CPNE5: variants seen among roughly 807,000 people sequenced by gnomAD.
CPNE5 encodes the protein copine-5.
Under a neutral mutation model 81.1 loss-of-function variants are expected in CPNE5, and 42 were observed. The observed-to-expected ratio is 0.52, with a 90% CI of 0.40 to 0.67. CPNE5 has a LOEUF of 0.67. Among genes scored for constraint, CPNE5 ranks in the 30% least tolerant of loss-of-function variants. The pLI is 0.00. For missense variants in CPNE5, 612 were observed against 815.5 expected (o/e 0.75, Z 3.04); for synonymous variants, 313 against 321.5 (o/e 0.97, Z 0.28).
At chr6:36,765,186 C>G (rs557383947) in intron 11 of CPNE5, 149 bp downstream of exon 11, 127 of 728,034 alleles carry the variant, frequency 1.7e-4, no homozygotes, top group Non-Finnish European at 2.6e-4. Context: ...ACCCCTCCCC[C>G]ACCCTCCACA....
intron 12 of CPNE5, among the ~76,000 whole-genome samples, chr6:36,760,440 C>A (rs935677952): frequency 1.3e-5 from 2 of 152,030 alleles, no homozygotes; most frequent in African/African-American, 4.8e-5. Flanking sequence ...GTGATCAGAT[C>A]ACTATTTTGG....
chr6:36,827,582 C>A, intron 1 of CPNE5: 1 of 985,418 alleles, frequency 1.0e-6, no homozygotes, highest in South Asian at 4.7e-5. Flanking sequence ...TCCCCCGCTG[C>A]AAAGGCACAG....
At chr6:36,768,158 T>C (rs1766724190) in intron 10 of CPNE5, among the ~76,000 whole-genome samples, 1 of 147,146 alleles carries the variant, frequency 6.8e-6, no homozygotes, top group South Asian at 2.2e-4. Flanking sequence ...AGAGAAATAG[T>C]GCCCAGAGAC....
chr6:36,815,512 C>G (rs980385337), intron 3 of CPNE5, among the ~76,000 whole-genome samples: 2 of 152,176 alleles, frequency 1.3e-5, no homozygotes, highest in African/African-American at 4.8e-5. Context: ...GAGGACACAG[C>G]AAGATGGAAC....
At chr6:36,792,166 A>C in intron 7 of CPNE5, 70 bp from the exon 8 acceptor site, 1 of 1,458,888 alleles carries the variant, frequency 6.9e-7, no homozygotes, top group Non-Finnish European at 9.6e-7. Context: ...CACTCCCTCA[A>C]TCAGCCCCCT....
chr6:36,818,771 G>A (rs950404317), intron 3 of CPNE5, among the ~76,000 whole-genome samples: 1 of 152,188 alleles, frequency 6.6e-6, no homozygotes, highest in African/African-American at 2.4e-5. Context: ...ACCCTGCGGC[G>A]GGTGTAGTAA....
chr6:36,823,121 G>A, intron 1 of CPNE5, 23 bp from the exon 2 acceptor site: 2 of 1,535,026 alleles, frequency 1.3e-6, no homozygotes, highest in South Asian at 1.3e-5. Context: ...GAGAGAGGAG[G>A]GGTTAGCACG....
intron 14 of CPNE5, 139 bp from the exon 15 acceptor site, chr6:36,748,406 C>A: frequency 1.3e-6 from 1 of 742,110 alleles, no homozygotes. Context: ...TCATCTCTTT[C>A]TAGTTCTGGA....
intron 8 of CPNE5, among the ~76,000 whole-genome samples, chr6:36,784,224 C>G (rs1768313686): frequency 6.6e-6 from 1 of 152,226 alleles, no homozygotes; most frequent in South Asian, 2.1e-4. Flanking sequence ...CTAATACAAT[C>G]TAGACCCAGA....
intron 1 of CPNE5, among the ~76,000 whole-genome samples, chr6:36,823,635 CA>C (rs1372789343): frequency 6.6e-6 from 1 of 152,130 alleles, no homozygotes; most frequent in African/African-American, 2.4e-5. Flanking sequence ...TGGTCAAGAC[CA>C]GGGCTAACAC....
Position 36,766,741 on chromosome 6 carries a change from G to T in CPNE5, c.738-1365C>A, listed in dbSNP as rs1202769948. On this transcript the variant is annotated intron_variant, in intron 10 of 20. Transcript: ENST00000244751. This position sits in a 1 kb window ranked among gnomAD's most constrained non-coding sequence, Gnocchi z 4.2. ...TGAAAGGAGAAGTAATAACGGCCTT[G>T]CAGAACAGCTGCAAGAACAAGCTAG... Among the ~76,000 whole-genome samples, 1 of 152,202 alleles carries T rather than the reference G, an allele frequency of 6.6e-6. No homozygotes were observed.
chr6:36,809,722 G>T (rs1029224545), intron 3 of CPNE5, among the ~76,000 whole-genome samples: 2 of 152,092 alleles, frequency 1.3e-5, no homozygotes, highest in African/African-American at 4.8e-5. Flanking sequence ...GAAGGTGGGA[G>T]GGGGGCTGTT....
chr6:36,813,263 G>A (rs1356274731), intron 3 of CPNE5, among the ~76,000 whole-genome samples: 1 of 152,210 alleles, frequency 6.6e-6, no homozygotes, highest in African/African-American at 2.4e-5. Flanking sequence ...AGGTGTGGTG[G>A]CCCACGCCTG....
At chr6:36,816,676 G>A (rs1771573179) in intron 3 of CPNE5, among the ~76,000 whole-genome samples, 1 of 152,216 alleles carries the variant, frequency 6.6e-6, no homozygotes, top group South Asian at 2.1e-4. Flanking sequence ...GTTCCATAGA[G>A]ACAATCTGGA....
intron 2 of CPNE5, among the ~76,000 whole-genome samples, chr6:36,822,809 C>T (rs1172451505): frequency 6.6e-6 from 1 of 152,122 alleles, no homozygotes; most frequent in Non-Finnish European, 1.5e-5. Flanking sequence ...GACCCTGTAG[C>T]CCCAGACCTC....
chr6:36,810,607 G>A (rs566084512), intron 3 of CPNE5, among the ~76,000 whole-genome samples: 13 of 152,190 alleles, frequency 8.5e-5, no homozygotes, highest in East Asian at 1.9e-4. Context: ...CTGGGGAGGC[G>A]GAGGAGCACG....
chr6:36,808,515 A>G lies in CPNE5; in HGVS notation c.184-8445T>C, dbSNP rs750519529. On this transcript the variant is annotated intron_variant, in intron 3 of 20. Coordinates refer to ENST00000244751, the MANE Select transcript of CPNE5 (RefSeq NM_020939.2). The stretch of plus-strand genomic sequence containing the variant: ...GTGAGTCAACTCCCCACAAATGCCC[A>G]TGGCTGCAGAACATTGGGGCCCAGG... Among the ~76,000 whole-genome samples the G allele has an allele frequency of 7.9e-5, 12 of 152,116 alleles. 1 individual carries two copies. The highest frequency in any genetic ancestry group is 5.2e-4 in the Admixed American group (8 of 15,294).
intron 1 of CPNE5, among the ~76,000 whole-genome samples, chr6:36,831,633 C>A (rs1198798185): frequency 9.6e-5 from 7 of 73,286 alleles, no homozygotes; most frequent in South Asian, 1.3e-3. Flanking sequence ...AGTGAGACAC[C>A]ATCTCAAAAA....
intron 1 of CPNE5, among the ~76,000 whole-genome samples, chr6:36,824,543 C>A (rs1459883614): frequency 6.6e-6 from 1 of 152,254 alleles, no homozygotes; most frequent in Non-Finnish European, 1.5e-5. Flanking sequence ...TGTCACCTTC[C>A]TTCTCTACTC....
Sources: gnomAD v4.1 joint callset for allele counts (sites outside exome capture counted in the v4.1 genomes callset) on GRCh38, gnomAD v4.1.1 for gene constraint, Gnocchi (gnomAD v3.1) non-coding constraint, MANE v1.5 for transcripts, NCBI Gene and HGNC (gene_info 2026-07-23, HGNC 2026-07-21) for gene names.